The following RABGAP1L variants were observed in gnomAD, a reference collection of about 807,000 sequenced individuals.
RABGAP1L encodes the protein RAB GTPase activating protein 1 like, also known as rab GTPase-activating protein 1-like.
Under a neutral mutation model 137.7 loss-of-function variants are expected in RABGAP1L, and 63 were observed. That is an observed-to-expected ratio of 0.46 (90% CI 0.37 to 0.56). RABGAP1L has a LOEUF of 0.56. RABGAP1L is among the 20% of genes least tolerant of loss of function. The pLI is 0.00. For missense variants in RABGAP1L, 1,095 were observed against 1,244.0 expected, an observed-to-expected ratio of 0.88 and a Z score of 1.80; for synonymous variants, 431 against 433.7, an observed-to-expected ratio of 0.99 and a Z score of 0.08.
At position 174,278,757 on chromosome 1, in the gene RABGAP1L, C is replaced by G; in HGVS notation, c.1301C>G (p.Thr434Ser). 2 of 1,575,704 alleles carry G rather than the reference C, an allele frequency of 1.3e-6. No individual in the cohort carries two copies. Among genetic ancestry groups the G allele is most frequent in the Non-Finnish European group, 1.7e-6 (2 of 1,166,546 alleles). Residue 434 changes from threonine to serine, a missense_variant, in exon 10 of 26, where the codon ACT becomes AGT. Thr to Ser is a moderately conservative substitution (Grantham distance 58). Around this residue, in one of 4 missense-constraint regions of RABGAP1L, gnomAD observed 315 missense variants for 324.8 expected, o/e 0.97. Transcript: ENST00000681986. ...TTCAGCAGAAAGACTTTCACAGAGA[C>G]TTTCTTCATGAGATTGAAACAGGTA... ...WYFSRKTFTETFFMRLKQSEG... is the reference protein window; with the variant it reads ...WYFSRKTFTESFFMRLKQSEG...
chr1:174,598,947 GC>G (rs990506233), intron 13 of RABGAP1L, among the ~76,000 whole-genome samples: 7 of 151,800 alleles, frequency 4.6e-5, no homozygotes, highest in African/African-American at 1.7e-4. Context: ...CTGCTATTTT[GC>G]TGTTTGTTTT....
chr1:174,588,864 G>T (rs12085652), intron 13 of RABGAP1L, among the ~76,000 whole-genome samples: 3 of 151,970 alleles, frequency 2.0e-5, no homozygotes, highest in African/African-American at 7.2e-5. Context: ...TGAACACTTA[G>T]GTTGCCTCCA....
intron 19 of RABGAP1L, among the ~76,000 whole-genome samples, chr1:174,900,356 C>A (rs12566477): frequency 1.3e-5 from 2 of 152,136 alleles, no homozygotes; most frequent in African/African-American, 4.8e-5. Flanking sequence ...GGTTACTTGG[C>A]GTATATTCTA....
At position 174,414,958 on chromosome 1, in the gene RABGAP1L, A is replaced by C. The variant is rs537734203; in HGVS notation, c.1710+20813A>C. Among the ~76,000 whole-genome samples the C allele has an allele frequency of 2.6e-5, 4 of 152,192 alleles. No individual in the cohort carries two copies. In the East Asian group the frequency reaches 5.8e-4, roughly 22 times the overall value. ...TAATGGAAAGCCATTGAGTGAATTT[A>C]AGATTATTGTTGGCCTTGGAAAAAT... On this transcript the variant is annotated intron_variant, in intron 13 of 25. Coordinates refer to ENST00000681986, the MANE Select transcript of RABGAP1L (RefSeq NM_001366446.1).
At chr1:174,763,821 G>A (rs1349207760) in intron 18 of RABGAP1L, among the ~76,000 whole-genome samples, 1 of 126,348 alleles carries the variant, frequency 7.9e-6, no homozygotes, top group Non-Finnish European at 1.6e-5. Context: ...CTGGGCAACA[G>A]AGCAAGACTC....
intron 18 of RABGAP1L, among the ~76,000 whole-genome samples, chr1:174,796,434 C>T (rs1299763507): frequency 6.6e-6 from 1 of 152,168 alleles, no homozygotes; most frequent in African/African-American, 2.4e-5. Flanking sequence ...CTTCAAAAAT[C>T]CCTAGAATCT....
Position 174,982,826 on chromosome 1 carries a change from A to T in RABGAP1L, c.2734-8A>T. The T allele has an allele frequency of 6.5e-7, 1 of 1,550,042 alleles. No homozygotes were observed. The stretch of plus-strand genomic sequence containing the variant: ...TTTTCTAGTAAAAGACTCTTTTCTC[A>T]TCCTTAGATCTGTTCGCAGTTGAGT... On this transcript the variant is annotated splice_region_variant and splice_polypyrimidine_tract_variant and intron_variant, in intron 23 of 25. Transcript: ENST00000681986.
At chr1:174,769,915 G>A (rs1685983343) in intron 18 of RABGAP1L, among the ~76,000 whole-genome samples, 1 of 152,134 alleles carries the variant, frequency 6.6e-6, no homozygotes, top group Admixed American at 6.5e-5. Flanking sequence ...GTTCTCCCTA[G>A]TCTTTGATGT....
At chr1:174,339,614 T>G (rs1334192364) in intron 11 of RABGAP1L, among the ~76,000 whole-genome samples, 1 of 125,146 alleles carries the variant, frequency 8.0e-6, no homozygotes. Context: ...TTTATCTAAT[T>G]TTTTTTTTTT....
chr1:174,271,125 C>A (rs1176350692), intron 7 of RABGAP1L, among the ~76,000 whole-genome samples: 1 of 152,006 alleles, frequency 6.6e-6, no homozygotes, highest in Non-Finnish European at 1.5e-5. Flanking sequence ...ATAATTATTT[C>A]TCTTGTAGAT....
At chr1:174,875,677 T>C (rs1436475491) in intron 19 of RABGAP1L, 1 of 985,308 alleles carries the variant, frequency 1.0e-6, no homozygotes, top group Non-Finnish European at 1.2e-6. Flanking sequence ...TCACAGTATC[T>C]TTTAAAGTAC....
chr1:174,377,915 C>G (rs1045049610), intron 12 of RABGAP1L, among the ~76,000 whole-genome samples: 1 of 101,200 alleles, frequency 9.9e-6, no homozygotes, highest in Non-Finnish European at 1.8e-5. Context: ...AGGTATATCT[C>G]CCAATGCTAT....
intron 10 of RABGAP1L, among the ~76,000 whole-genome samples, chr1:174,291,718 A>G (rs1374093805): frequency 2.0e-5 from 3 of 151,934 alleles, no homozygotes; most frequent in African/African-American, 7.2e-5. Context: ...TTTCAATTTT[A>G]TTTGGTCTAT....
At chr1:174,938,075 A>G (rs1665211524) in intron 19 of RABGAP1L, among the ~76,000 whole-genome samples, 1 of 138,256 alleles carries the variant, frequency 7.2e-6, no homozygotes, top group South Asian at 2.4e-4. Flanking sequence ...ATTTCCATCT[A>G]TAAATAATTT....
At chr1:174,771,828 TAAATA>T (rs1428264168) in intron 18 of RABGAP1L, among the ~76,000 whole-genome samples, 1 of 152,224 alleles carries the variant, frequency 6.6e-6, no homozygotes, top group Non-Finnish European at 1.5e-5. Flanking sequence ...AAATGTTTAA[TAAATA>T]AAATTAATAG....
At chr1:174,326,177 A>T (rs1005199092) in intron 11 of RABGAP1L, among the ~76,000 whole-genome samples, 1 of 152,244 alleles carries the variant, frequency 6.6e-6, no homozygotes, top group Non-Finnish European at 1.5e-5. Flanking sequence ...ATAGGAATAT[A>T]CTAGGAAAAA....
chr1:174,990,596 A>C lies in RABGAP1L; in HGVS notation c.*595A>C, dbSNP rs1267305051. On this transcript the variant is annotated 3_prime_UTR_variant, in exon 26 of 26. Coordinates refer to ENST00000681986, the MANE Select transcript of RABGAP1L (RefSeq NM_001366446.1). ...TTTCTGTTCGGTACATCTGGAAATG[A>C]AGTGCCAGGAATAGACGGGCTGTTC... 1 of 152,268 alleles carries C rather than the reference A, an allele frequency of 6.6e-6. No individual in the cohort carries two copies. The highest frequency in any genetic ancestry group is 2.4e-5 in the African/African-American group (1 of 41,454). 9.4% of individuals were successfully genotyped at this position (152,268 alleles called of 1,614,324 possible).
At chr1:174,384,389 A>G (rs1686552468) in intron 12 of RABGAP1L, among the ~76,000 whole-genome samples, 2 of 152,290 alleles carry the variant, frequency 1.3e-5, no homozygotes, top group Middle Eastern at 3.4e-3. Context: ...ACAGAATTGT[A>G]TACTAAAAAT....
chr1:174,386,648 C>G (rs1194543758), intron 12 of RABGAP1L, among the ~76,000 whole-genome samples: 6 of 151,986 alleles, frequency 3.9e-5, no homozygotes, highest in Admixed American at 1.3e-4. Flanking sequence ...GCTGGGATTA[C>G]AGGTATGGGC....
Sources: gnomAD v4.1 joint callset for allele counts (sites outside exome capture counted in the v4.1 genomes callset) on GRCh38, gnomAD v4.1.1 for gene constraint, gnomAD v4.1.1 regional missense constraint, MANE v1.5 for transcripts, NCBI Gene and HGNC (gene_info 2026-07-23, HGNC 2026-07-21) for gene names.